Variants in DISP1 observed in about 807,000 individuals in gnomAD.
DISP1 encodes protein dispatched homolog 1.
A neutral mutation model predicts 37.3 loss-of-function variants in DISP1; 30 were observed. The observed-to-expected ratio is 0.80, with a 90% confidence interval of 0.60 to 1.09. DISP1 has a LOEUF of 1.09. Among genes scored for constraint, DISP1 ranks in the 50% least tolerant of loss-of-function variants. The pLI is 0.00. For synonymous variants in DISP1, 634 were observed against 690.2 expected, an observed-to-expected ratio of 0.92 and a Z score of 1.28; for missense variants, 1,598 against 1,879.5, an observed-to-expected ratio of 0.85 and a Z score of 2.77.
chr1:222,818,876 C>T (rs551510461), intron 1 of DISP1, among the ~76,000 whole-genome samples: 2 of 152,334 alleles, frequency 1.3e-5, no homozygotes, highest in South Asian at 4.1e-4. Context: ...TAAGGCTAAC[C>T]ATGACAGCAT....
At chr1:222,930,285 C>G (rs1291851722) in intron 2 of DISP1, among the ~76,000 whole-genome samples, 1 of 152,090 alleles carries the variant, frequency 6.6e-6, no homozygotes, top group African/African-American at 2.4e-5. Context: ...CCTTGACATA[C>G]AGATGATATG....
rs770349473 is a variant in DISP1 at position 223,002,557 on chromosome 1, A to C, written c.1160A>C (p.Lys387Thr). The C allele has an allele frequency of 6.2e-7, 1 of 1,614,184 alleles. No individual in the cohort carries two copies. The highest frequency in any genetic ancestry group is 2.2e-5 in the East Asian group (1 of 44,882). The part of the protein sequence containing the change: ...HTLKLLRTCA[K>T]HYQNGTLGPD... ...TTGAAGCTGCTTCGGACTTGTGCCA[A>C]ACACTACCAAAATGGCACTCTGGGG... The change falls in exon 9 of 9, where the codon AAA (lysine) becomes ACA (threonine). Residue 387 changes from lysine to threonine, a missense_variant. Transcript: ENST00000675850.
chr1:222,929,718 A>G (rs1015913795), intron 2 of DISP1, among the ~76,000 whole-genome samples: 26 of 152,112 alleles, frequency 1.7e-4, no homozygotes, highest in African/African-American at 5.3e-4. Flanking sequence ...ATCTGGCGAC[A>G]CATTTCTACT....
chr1:222,913,525 T>C (rs892830803), intron 1 of DISP1, among the ~76,000 whole-genome samples: 1 of 152,194 alleles, frequency 6.6e-6, no homozygotes, highest in African/African-American at 2.4e-5. Context: ...TGTGATGGGC[T>C]TCCTTTTTCT....
chr1:222,821,833 C>T (rs1032972112), intron 1 of DISP1, among the ~76,000 whole-genome samples: 4 of 143,954 alleles, frequency 2.8e-5, no homozygotes, highest in South Asian at 2.2e-4. Flanking sequence ...GAGCCAGGCT[C>T]GTGCCACTGC....
At chr1:222,874,494 T>A in intron 1 of DISP1, among the ~76,000 whole-genome samples, 1 of 152,190 alleles carries the variant, frequency 6.6e-6, no homozygotes. Context: ...CTCTTCACAC[T>A]TCGTTTCATT....
intron 1 of DISP1, among the ~76,000 whole-genome samples, chr1:222,867,015 T>C (rs1669230660): frequency 6.6e-6 from 1 of 152,210 alleles, no homozygotes; most frequent in East Asian, 1.9e-4. Context: ...CCTAGGGTGG[T>C]GTTCATGTTT....
chr1:222,937,214 T>C (rs1462744760), intron 2 of DISP1, among the ~76,000 whole-genome samples: 1 of 150,374 alleles, frequency 6.7e-6, no homozygotes. Context: ...CTCAGCCTCC[T>C]GAGTCGCTCG....
intron 1 of DISP1, among the ~76,000 whole-genome samples, chr1:222,815,616 G>C (rs920558910): frequency 7.2e-5 from 11 of 152,186 alleles, no homozygotes; most frequent in African/African-American, 2.6e-4. Context: ...TTTGTTTTTT[G>C]TTTTTAGAAA....
chr1:222,836,375 C>G (rs995758272), intron 1 of DISP1, among the ~76,000 whole-genome samples: 1 of 152,164 alleles, frequency 6.6e-6, no homozygotes, highest in African/African-American at 2.4e-5. Flanking sequence ...GGAACTAGTG[C>G]TTTCTTATCA....
At chr1:222,861,881 T>G (rs1668897762) in intron 1 of DISP1, among the ~76,000 whole-genome samples, 1 of 152,252 alleles carries the variant, frequency 6.6e-6, no homozygotes, top group Admixed American at 6.5e-5. Context: ...GAATGTTTAT[T>G]GTATAACTTC....
intron 1 of DISP1, chr1:222,827,739 T>G (rs185310880): frequency 1.3e-5 from 2 of 152,318 alleles, no homozygotes; most frequent in East Asian, 3.9e-4. Flanking sequence ...CATTTTGCTG[T>G]GGAAGGGGCA....
intron 1 of DISP1, among the ~76,000 whole-genome samples, chr1:222,854,065 A>C (rs1187679893): frequency 2.6e-5 from 4 of 152,228 alleles, no homozygotes; most frequent in Admixed American, 6.5e-5. Context: ...GAAACATATA[A>C]AATTTGCTCT....
At chr1:222,911,989 G>A (rs35947998) in intron 1 of DISP1, among the ~76,000 whole-genome samples, 99,737 of 151,980 alleles carry the variant, frequency 0.66, 32,903 homozygotes, top group South Asian at 0.75. Context: ...GTGGATGCCA[G>A]CTTAAAGAAT....
At chr1:222,826,238 C>T in intron 1 of DISP1, among the ~76,000 whole-genome samples, 1 of 152,094 alleles carries the variant, frequency 6.6e-6, no homozygotes, top group South Asian at 2.1e-4. Context: ...GATTATTCCT[C>T]ATGGTTGCTC....
intron 4 of DISP1, 110 bp downstream of exon 4, chr1:222,983,219 T>C (rs535849446): frequency 4.5e-4 from 404 of 898,786 alleles, no homozygotes; most frequent in Non-Finnish European, 6.6e-4. Flanking sequence ...CATTCATATT[T>C]TTATGAAAGA....
intron 1 of DISP1, among the ~76,000 whole-genome samples, chr1:222,927,467 T>G (rs866456768): frequency 2.0e-5 from 3 of 152,306 alleles, no homozygotes; most frequent in Middle Eastern, 3.4e-3. Flanking sequence ...CTTAGATATA[T>G]GACGTGCAAA....
chr1:222,984,421 A>AAAAAAATAT (rs1553254646), intron 4 of DISP1, among the ~76,000 whole-genome samples: 1 of 105,798 alleles, frequency 9.5e-6, no homozygotes, highest in African/African-American at 3.9e-5. Context: ...AAAAAAAAAA[A>AAAAAAATAT]ATATATATAT....
chr1:222,934,630 A>G (rs1673604514), intron 2 of DISP1, among the ~76,000 whole-genome samples: 1 of 152,146 alleles, frequency 6.6e-6, no homozygotes, highest in South Asian at 2.1e-4. Flanking sequence ...GGATACAGGT[A>G]TCCCCAGACT....
Sources: gnomAD v4.1 joint callset for allele counts (sites outside exome capture counted in the v4.1 genomes callset) on GRCh38, gnomAD v4.1.1 for gene constraint, MANE v1.5 for transcripts, NCBI Gene and HGNC (gene_info 2026-07-23, HGNC 2026-07-21) for gene names.